Variants in ESRRB observed in about 807,000 individuals in gnomAD.
ESRRB encodes steroid hormone receptor ERR2.
Under a neutral mutation model 46.0 loss-of-function variants are expected in ESRRB, and 16 were observed. The observed-to-expected ratio is 0.35, with a 90% CI of 0.24 to 0.53. ESRRB has a LOEUF of 0.53. ESRRB is among the 20% of genes least tolerant of loss of function. The probability of loss-of-function intolerance (pLI) is 0.93; values close to 1 mark genes in which losing one functional copy is unlikely to be tolerated. For missense variants in ESRRB, 488 were observed against 607.4 expected (o/e 0.80, Z 2.07); for synonymous variants, 246 against 259.6 (o/e 0.95, Z 0.50).
intron 1 of ESRRB, among the ~76,000 whole-genome samples, chr14:76,406,821 A>G (rs1273986668): frequency 6.6e-6 from 1 of 152,246 alleles, no homozygotes; most frequent in Non-Finnish European, 1.5e-5. Flanking sequence ...TGTAGTGCTA[A>G]GAAGCCATTA....
intron 2 of ESRRB, 104 bp from the exon 3 acceptor site, chr14:76,462,441 T>G (rs1888906793): frequency 1.3e-6 from 1 of 798,568 alleles, no homozygotes; most frequent in African/African-American, 1.7e-5. Context: ...TAGGGGGGAG[T>G]GGCAGCTCTG....
At chr14:76,339,730 C>A (rs566606501) in intron 1 of ESRRB, among the ~76,000 whole-genome samples, 5 of 152,334 alleles carry the variant, frequency 3.3e-5, no homozygotes, top group South Asian at 4.1e-4. Context: ...AGCAGCCCCC[C>A]ACACTCACAA....
chr14:76,397,460 G>T (rs557403785), intron 1 of ESRRB, among the ~76,000 whole-genome samples: 1 of 152,344 alleles, frequency 6.6e-6, no homozygotes, highest in African/African-American at 2.4e-5. Flanking sequence ...CCCATCCAGG[G>T]TGTCAGTAAT....
At chr14:76,464,198 G>T (rs955778801) in intron 3 of ESRRB, among the ~76,000 whole-genome samples, 1 of 152,160 alleles carries the variant, frequency 6.6e-6, no homozygotes, top group East Asian at 1.9e-4. Context: ...ATCAGAAGGG[G>T]CTACAGAGAG....
chr14:76,319,652 C>A (rs939156881), intron 1 of ESRRB, among the ~76,000 whole-genome samples: 3 of 152,178 alleles, frequency 2.0e-5, no homozygotes, highest in Non-Finnish European at 4.4e-5. Context: ...GGGTATCAAG[C>A]ACCACTTTTA....
intron 1 of ESRRB, among the ~76,000 whole-genome samples, chr14:76,431,022 C>T (rs951593494): frequency 1.3e-5 from 2 of 152,162 alleles, no homozygotes; most frequent in African/African-American, 4.8e-5. Flanking sequence ...AGAGGCCGGG[C>T]CTGATGGCTC....
chr14:76,435,057 C>T (rs993258645), intron 1 of ESRRB, among the ~76,000 whole-genome samples: 2 of 152,146 alleles, frequency 1.3e-5, no homozygotes, highest in Non-Finnish European at 2.9e-5. Flanking sequence ...GAGGGCAGAG[C>T]GGACAGGCTG....
chr14:76,355,555 C>T (rs1884369592), intron 1 of ESRRB, among the ~76,000 whole-genome samples: 1 of 152,174 alleles, frequency 6.6e-6, no homozygotes, highest in African/African-American at 2.4e-5. Flanking sequence ...AGTCATTTCT[C>T]CTGCTCTAAT....
chr14:76,315,117 C>G (rs948122187), intron 1 of ESRRB, among the ~76,000 whole-genome samples: 1 of 152,072 alleles, frequency 6.6e-6, no homozygotes, highest in Non-Finnish European at 1.5e-5. Context: ...TTTAGTGCTT[C>G]AAGCTCAGTG....
intron 6 of ESRRB, among the ~76,000 whole-genome samples, chr14:76,497,774 C>A (rs1890489519): frequency 6.6e-6 from 1 of 152,114 alleles, no homozygotes; most frequent in South Asian, 2.1e-4. Context: ...ATACCGCTAC[C>A]AGGGCACTGA....
At chr14:76,332,343 G>A (rs1185927793) in intron 1 of ESRRB, among the ~76,000 whole-genome samples, 2 of 146,052 alleles carry the variant, frequency 1.4e-5, no homozygotes, top group Non-Finnish European at 3.0e-5. Context: ...GTCTCAAAAA[G>A]GCTGGAGTGC....
chr14:76,450,916 A>G (rs1888357887), intron 2 of ESRRB, among the ~76,000 whole-genome samples: 1 of 152,142 alleles, frequency 6.6e-6, no homozygotes. Context: ...TAAACCCACA[A>G]AATGTTAGCT....
rs190097155 is a variant in ESRRB at position 76,343,836 on chromosome 14, T to G, written c.2+32920T>G. ...GGACAGAAATAAAATCATTAATTTG[T>G]AGGAGGAGGAGTAAAGAATTTTCAG... is the stretch of plus-strand genomic sequence containing the variant. On this transcript the variant is annotated intron_variant, in intron 1 of 6. Transcript: ENST00000512784. 2.0e-3 allele frequency among the ~76,000 whole-genome samples: 312 copies of G among 152,318 alleles called. 1 individual carries two copies. The highest frequency in any genetic ancestry group is 6.8e-3 in the African/African-American group (281 of 41,568).
chr14:76,451,789 A>ATTTT lies in ESRRB; in HGVS notation c.461-10736_461-10733dup, dbSNP rs111716273. Among the ~76,000 whole-genome samples the ATTTT allele has an allele frequency of 1.1e-3, 140 of 122,744 alleles. 1 individual carries two copies. Among genetic ancestry groups the ATTTT allele is most frequent in the African/African-American group, 2.8e-3 (92 of 32,992 alleles). The allele number at this position is 122,744 out of a possible 152,430, so 80.5% of individuals were successfully genotyped here. On this transcript the variant is annotated intron_variant, in intron 2 of 6. Coordinates refer to ENST00000644823, the MANE Select transcript of ESRRB (RefSeq NM_001379180.1). ...AGGTGTGGGCCACCATGCCCAGCTA[A>ATTTT]TTTTTTTTTTTTTTTTTTTTTTTAG...
intron 1 of ESRRB, among the ~76,000 whole-genome samples, chr14:76,351,378 T>C (rs1884311784): frequency 6.6e-6 from 1 of 152,182 alleles, no homozygotes. Context: ...TCACTTATGG[T>C]GGTTGCTGGC....
Position 76,500,115 on chromosome 14 carries a change from C to G in ESRRB, c.*1657C>G. 1 of 1,483,966 alleles carries G rather than the reference C, an allele frequency of 6.7e-7. No homozygotes were observed. The highest frequency in any genetic ancestry group is 1.4e-5 in the African/African-American group (1 of 71,850). The allele number at this position is 1,483,966 out of a possible 1,614,324, so 91.9% of individuals were successfully genotyped here. A position where few individuals can be genotyped will look rare whatever the true frequency, so the allele number is the denominator to read the frequency against. On this transcript the variant is annotated 3_prime_UTR_variant, in exon 7 of 7. Transcript: ENST00000644823. The stretch of plus-strand genomic sequence containing the variant: ...AGAAGCCCTGGTCCCACCTCCTTGG[C>G]TCTACCCCAGGAACCTCCCGGCCTG...
At chr14:76,381,616 C>A (rs1885019369) in intron 1 of ESRRB, among the ~76,000 whole-genome samples, 1 of 152,168 alleles carries the variant, frequency 6.6e-6, no homozygotes, top group Admixed American at 6.5e-5. Flanking sequence ...CTGGTCAGTT[C>A]TGTGGCTCTA....
chr14:76,337,177 G>A (rs181903344), intron 1 of ESRRB, among the ~76,000 whole-genome samples: 19 of 152,240 alleles, frequency 1.2e-4, no homozygotes, highest in African/African-American at 4.3e-4. Flanking sequence ...TCTAGGCATG[G>A]ACAACTTGGG....
rs116968367 is a variant in ESRRB, at chr14:76,488,390, C to A, written c.851-3057C>A. 9.9e-3 allele frequency among the ~76,000 whole-genome samples: 1,504 copies of A among 152,264 alleles called. 20 individuals are homozygous for A. Among genetic ancestry groups the A allele is most frequent in the East Asian group, 0.015 (79 of 5,174 alleles). ...TGGGAACAGGCCTCCCGGGTACATC[C>A]TCCCATGGCAGCACAAAACTTTCCA... On this transcript the variant is annotated intron_variant, in intron 5 of 6. Transcript: ENST00000644823.
Sources: allele counts gnomAD v4.1 joint callset (sites outside exome capture counted in the v4.1 genomes callset), GRCh38; gene constraint gnomAD v4.1.1; transcripts MANE v1.5; gene names NCBI Gene and HGNC (gene_info 2026-07-23, HGNC 2026-07-21).